Variants in DCDC1 observed in about 807,000 individuals in gnomAD.
DCDC1 encodes doublecortin domain containing 1, also known as doublecortin domain-containing protein 1.
Under a neutral mutation model 178.3 loss-of-function variants are expected in DCDC1, and 200 were observed. The observed-to-expected ratio is 1.12, with a 90% CI of 1.00 to 1.26. DCDC1 has a LOEUF of 1.26. Among genes scored for constraint, DCDC1 ranks in the 50% most tolerant of loss-of-function variants. DCDC1 has a pLI of 0.00. For missense variants in DCDC1, 1,983 were observed against 1,749.2 expected, an observed-to-expected ratio of 1.13 and a Z score of -2.38; for synonymous variants, 690 against 604.8, an observed-to-expected ratio of 1.14 and a Z score of -2.07.
intron 7 of DCDC1, among the ~76,000 whole-genome samples, chr11:31,272,401 C>T (rs1164741471): frequency 1.3e-5 from 2 of 152,200 alleles, no homozygotes; most frequent in African/African-American, 4.8e-5. Context: ...GCCTTCCCGA[C>T]AGTCCCTCAA....
chr11:31,030,975 A>C (rs538671366), intron 20 of DCDC1, among the ~76,000 whole-genome samples: 77 of 152,312 alleles, frequency 5.1e-4, no homozygotes, highest in Non-Finnish European at 9.6e-4. Context: ...GGAAAACAAA[A>C]TTATAATACA....
chr11:31,026,292 C>T (rs1245120675), intron 20 of DCDC1, among the ~76,000 whole-genome samples: 1 of 151,698 alleles, frequency 6.6e-6, no homozygotes, highest in South Asian at 2.1e-4. Flanking sequence ...TGACACCGTA[C>T]CTTTACATAA....
intron 21 of DCDC1, among the ~76,000 whole-genome samples, chr11:30,946,245 G>A (rs1321297808): frequency 2.6e-5 from 4 of 152,154 alleles, no homozygotes; most frequent in East Asian, 1.9e-4. Context: ...AGTGGTGTAC[G>A]TTATCCTGCC....
At chr11:31,101,932 C>A (rs1406164881) in intron 15 of DCDC1, among the ~76,000 whole-genome samples, 1 of 152,048 alleles carries the variant, frequency 6.6e-6, no homozygotes, top group Non-Finnish European at 1.5e-5. Flanking sequence ...CAAAAATTAG[C>A]CAGGCATGGT....
Position 31,223,646 on chromosome 11 carries a change from TA to T in DCDC1, c.1221+17803del, listed in dbSNP as rs1216785092. On this transcript the variant is annotated intron_variant, in intron 9 of 38. Transcript: ENST00000684477. ...AGTAGACTGTAGTATGTTCATACAATAAAATGAATAAATTACTGTGTGGAAG... is the reference window on the plus strand; with the variant it reads ...AGTAGACTGTAGTATGTTCATACAATAAATGAATAAATTACTGTGTGGAAG... Among the ~76,000 whole-genome samples the T allele has an allele frequency of 3.9e-5, 6 of 152,260 alleles. No homozygotes were observed. The East Asian group carries it at 1.2e-3, about 29-fold the overall frequency.
At chr11:31,016,802 G>A (rs926239071) in intron 20 of DCDC1, among the ~76,000 whole-genome samples, 1 of 152,110 alleles carries the variant, frequency 6.6e-6, no homozygotes, top group African/African-American at 2.4e-5. Context: ...TCTGGGGTTC[G>A]ACCTAGGCTT....
At chr11:31,239,050 T>A (rs1039555578) in intron 9 of DCDC1, among the ~76,000 whole-genome samples, 2 of 152,124 alleles carry the variant, frequency 1.3e-5, no homozygotes, top group African/African-American at 4.8e-5. Flanking sequence ...TTAAAGCTTA[T>A]ATTTCGACAG....
intron 8 of DCDC1, among the ~76,000 whole-genome samples, chr11:31,253,537 T>G (rs1465315182): frequency 6.6e-6 from 1 of 152,042 alleles, no homozygotes; most frequent in African/African-American, 2.4e-5. Context: ...TATAAACAAT[T>G]TTATGGTTTA....
intron 26 of DCDC1, 62 bp from the exon 27 acceptor site, chr11:30,915,773 G>T: frequency 1.3e-6 from 2 of 1,515,510 alleles, no homozygotes; most frequent in Non-Finnish European, 1.8e-6. Flanking sequence ...TCATGCACTT[G>T]ATGTGCTGGA....
chr11:31,070,178 A>G lies in DCDC1; in HGVS notation c.2299-5025T>C, dbSNP rs189294235. Among the ~76,000 whole-genome samples the G allele has an allele frequency of 2.0e-5, 3 of 152,262 alleles. No homozygotes were observed. In the East Asian group the frequency reaches 5.8e-4, roughly 29 times the overall value. On this transcript the variant is annotated intron_variant, in intron 18 of 38. Transcript: ENST00000684477. ...ACAGTTATTCAGTGTTATCTACTCT[A>G]AGACCAGGTGATCTTGACCTCCAAT...
intron 38 of DCDC1, among the ~76,000 whole-genome samples, chr11:30,870,574 AG>A (rs141767476): frequency 2.6e-5 from 4 of 152,358 alleles, no homozygotes; most frequent in Non-Finnish European, 5.9e-5. Context: ...TCTGACAAAA[AG>A]GGTTTGACAC....
chr11:31,287,240 C>CA (rs544867043), intron 7 of DCDC1, among the ~76,000 whole-genome samples: 39 of 148,748 alleles, frequency 2.6e-4, no homozygotes, highest in African/African-American at 6.9e-4. Flanking sequence ...AACAAACAAA[C>CA]AAAAAAAAAC....
intron 11 of DCDC1, among the ~76,000 whole-genome samples, chr11:31,115,981 T>TTG (rs1555066669): frequency 1.8e-4 from 7 of 38,108 alleles, no homozygotes; most frequent in African/African-American, 3.2e-4. Context: ...GCTGTGGCAG[T>TTG]GGGGGGGGGG....
chr11:31,213,665 AG>A (rs1199179922), intron 9 of DCDC1, among the ~76,000 whole-genome samples: 7 of 151,794 alleles, frequency 4.6e-5, no homozygotes, highest in African/African-American at 1.7e-4. Context: ...GGTTGCAGTT[AG>A]CCGAGATCAC....
chr11:31,073,722 G>A (rs1590952467), intron 18 of DCDC1, among the ~76,000 whole-genome samples: 1 of 152,302 alleles, frequency 6.6e-6, no homozygotes, highest in South Asian at 2.1e-4. Flanking sequence ...AGCAAAGTAA[G>A]GAAAGGTAAT....
intron 9 of DCDC1, among the ~76,000 whole-genome samples, chr11:31,211,792 A>C (rs1192753626): frequency 1.3e-5 from 2 of 152,132 alleles, no homozygotes; most frequent in Non-Finnish European, 2.9e-5. Flanking sequence ...CTTTAAAAAA[A>C]AGCTAAGCAG....
intron 9 of DCDC1, among the ~76,000 whole-genome samples, chr11:31,224,549 C>T (rs1015907890): frequency 3.9e-5 from 6 of 151,972 alleles, no homozygotes; most frequent in Non-Finnish European, 8.8e-5. Context: ...GCAAAAGAAA[C>T]TATCAGCAGA....
At chr11:31,166,480 A>G (rs1386521833) in intron 9 of DCDC1, among the ~76,000 whole-genome samples, 1 of 152,204 alleles carries the variant, frequency 6.6e-6, no homozygotes, top group African/African-American at 2.4e-5. Context: ...AAGGTTGGGG[A>G]AAATTCCAGG....
At chr11:31,187,081 T>C (rs1003928685) in intron 9 of DCDC1, among the ~76,000 whole-genome samples, 2 of 152,192 alleles carry the variant, frequency 1.3e-5, no homozygotes, top group Non-Finnish European at 2.9e-5. Flanking sequence ...CCAGCCTCAC[T>C]GGCCCCTAAA....
Sources: gnomAD v4.1 joint callset for allele counts (sites outside exome capture counted in the v4.1 genomes callset) on GRCh38, gnomAD v4.1.1 for gene constraint, MANE v1.5 for transcripts, NCBI Gene and HGNC (gene_info 2026-07-23, HGNC 2026-07-21) for gene names.